ANOS1: variants seen among roughly 807,000 people sequenced by gnomAD.
ANOS1 encodes the protein anosmin 1.
ANOS1 carries 6 observed loss-of-function variants against 59.0 expected under a neutral mutation model. That is an observed-to-expected ratio of 0.10 (90% confidence interval 0.06 to 0.20). The LOEUF (loss-of-function observed/expected upper bound fraction) is 0.20, where lower values mean the gene tolerates loss of function less well. Among genes scored for constraint, ANOS1 ranks in the 10% least tolerant of loss-of-function variants. ANOS1 has a pLI of 1.00. For missense variants in ANOS1, 433 were observed against 542.3 expected (o/e 0.80, Z 2.00); for synonymous variants, 217 against 223.4 (o/e 0.97, Z 0.25).
chrX:8,622,525 C>CA (rs1000760519), intron 3 of ANOS1, among the ~76,000 whole-genome samples: 1 of 111,863 alleles, frequency 8.9e-6, no homozygotes, highest in Non-Finnish European at 1.9e-5. Context: ...TTTCACCCCC[C>CA]AGTTCTGTTC....
At chrX:8,695,371 T>C (rs1238844523) in intron 2 of ANOS1, among the ~76,000 whole-genome samples, 1 of 112,055 alleles carries the variant, frequency 8.9e-6, no homozygotes, top group Non-Finnish European at 1.9e-5. Context: ...TGTTTAGATG[T>C]CAGTTTTGCG....
intron 1 of ANOS1, among the ~76,000 whole-genome samples, chrX:8,705,454 C>T (rs1276180052): frequency 1.8e-5 from 2 of 111,269 alleles, no homozygotes; most frequent in East Asian, 2.8e-4. Context: ...GTTTTGCAGC[C>T]GTTCTGTGCT....
In ANOS1 at chrX:8,532,482, T is replaced by C. The variant is rs1473937856; in HGVS notation, c.*513A>G. ...TATATTTTAGATTACACATTTTCAT[T>C]TAAAAATCACCTAGGATAAAAATGA... On this transcript the variant is annotated 3_prime_UTR_variant, in exon 14 of 14. Transcript: ENST00000262648. 1 of 112,689 alleles carries C rather than the reference T, an allele frequency of 8.9e-6. No individual in the cohort carries two copies. Among genetic ancestry groups the C allele is most frequent in the African/African-American group, 3.2e-5 (1 of 30,821 alleles). 9.3% of individuals were successfully genotyped at this position (112,689 alleles called of 1,213,427 possible). A position where few individuals can be genotyped will look rare whatever the true frequency, so the allele number is the denominator to read the frequency against.
At chrX:8,680,447 G>A (rs1276675470) in intron 2 of ANOS1, among the ~76,000 whole-genome samples, 1 of 111,471 alleles carries the variant, frequency 9.0e-6, no homozygotes, top group Non-Finnish European at 1.9e-5. Context: ...ATATTTCAAT[G>A]ATATTTCTTC....
At chrX:8,731,227 C>T (rs1242043281) in intron 1 of ANOS1, among the ~76,000 whole-genome samples, 1 of 112,375 alleles carries the variant, frequency 8.9e-6, no homozygotes, top group Non-Finnish European at 1.9e-5. Flanking sequence ...CGCACAGCCA[C>T]TCGCACCCCC....
At position 8,699,739 on chromosome X, in the gene ANOS1, C is replaced by T. The variant is rs186630563; in HGVS notation, c.214G>A (p.Gly72Ser). ...SAFFQHFQNN[G>S]SLVWCQNHKQ... ...TGATTCTGGCACCAAACCAGGGAAC[C>T]ATTGTTCTGCAAAAAGAAAAAGGAA... is the stretch of plus-strand genomic sequence containing the variant. Residue 72 changes from glycine to serine, a missense_variant, in exon 2 of 14, where the codon GGT (glycine) becomes AGT (serine). Coordinates refer to ENST00000262648, the MANE Select transcript of ANOS1 (RefSeq NM_000216.4). 153 of 1,189,923 alleles carry T rather than the reference C, an allele frequency of 1.3e-4. No homozygotes were observed. In the African/African-American group the frequency reaches 2.5e-3, roughly 19 times the overall value.
chrX:8,717,058 C>G (rs1482541194), intron 1 of ANOS1, among the ~76,000 whole-genome samples: 2 of 111,432 alleles, frequency 1.8e-5, no homozygotes, highest in Non-Finnish European at 3.8e-5. Context: ...CCAGACAGCC[C>G]CTCCACTCAA....
chrX:8,676,711 A>C (rs977102851), intron 2 of ANOS1, among the ~76,000 whole-genome samples: 1 of 111,873 alleles, frequency 8.9e-6, no homozygotes, highest in Non-Finnish European at 1.9e-5. Flanking sequence ...CAAATAAATC[A>C]CTTCACTTTT....
At chrX:8,582,466 G>C (rs1930442732) in intron 6 of ANOS1, among the ~76,000 whole-genome samples, 1 of 111,292 alleles carries the variant, frequency 9.0e-6, no homozygotes, top group Non-Finnish European at 1.9e-5. Flanking sequence ...AGGGAGGGTA[G>C]TGATGAAGTC....
At chrX:8,672,404 T>A (rs1418668315) in intron 2 of ANOS1, among the ~76,000 whole-genome samples, 1 of 112,110 alleles carries the variant, frequency 8.9e-6, no homozygotes, top group Non-Finnish European at 1.9e-5. Flanking sequence ...TGCATAGAAA[T>A]CCCTAATCTG....
intron 6 of ANOS1, among the ~76,000 whole-genome samples, chrX:8,580,938 A>T (rs1601963248): frequency 8.9e-6 from 1 of 111,967 alleles, no homozygotes; most frequent in African/African-American, 3.2e-5. Flanking sequence ...CTGTTTTTTA[A>T]AAGTAATTTT....
At chrX:8,713,258 T>C (rs1042190360) in intron 1 of ANOS1, among the ~76,000 whole-genome samples, 4 of 110,267 alleles carry the variant, frequency 3.6e-5, no homozygotes, top group Admixed American at 2.0e-4. Context: ...CCCAGAAGAA[T>C]GTCCAAGCTG....
At chrX:8,668,846 C>A (rs1182572618) in intron 2 of ANOS1, among the ~76,000 whole-genome samples, 1 of 111,228 alleles carries the variant, frequency 9.0e-6, no homozygotes, top group East Asian at 2.8e-4. Context: ...GTTCTAGCCA[C>A]AAACACATCG....
chrX:8,659,229 T>TAAA (rs57477012), intron 2 of ANOS1, among the ~76,000 whole-genome samples: 99 of 95,544 alleles, frequency 1.0e-3, no homozygotes, highest in Non-Finnish European at 1.9e-3. Flanking sequence ...TCTGTCTCAA[T>TAAA]AAAAAAAAAA....
chrX:8,673,802 T>C (rs1932293321), intron 2 of ANOS1, among the ~76,000 whole-genome samples: 1 of 111,819 alleles, frequency 8.9e-6, no homozygotes. Context: ...GGTTGAGTTG[T>C]AGTTAACATG....
chrX:8,731,777 C>T (rs1231576087), intron 1 of ANOS1, 53 bp downstream of exon 1: 1 of 1,154,222 alleles, frequency 8.7e-7, no homozygotes, highest in African/African-American at 1.8e-5. Context: ...CCCCGGTGCG[C>T]CCACGCCGCG....
intron 6 of ANOS1, among the ~76,000 whole-genome samples, chrX:8,575,640 A>C (rs190936967): frequency 4.5e-5 from 5 of 112,209 alleles, no homozygotes; most frequent in African/African-American, 3.2e-5. Flanking sequence ...ACAATTTATG[A>C]AAACAACATT....
At chrX:8,576,274 T>C (rs1423829811) in intron 6 of ANOS1, among the ~76,000 whole-genome samples, 4 of 111,296 alleles carry the variant, frequency 3.6e-5, no homozygotes, top group African/African-American at 1.3e-4. Context: ...CTGAAGCATT[T>C]TACTCAGTCC....
At chrX:8,731,066 C>T (rs1234106666) in intron 1 of ANOS1, among the ~76,000 whole-genome samples, 2 of 112,389 alleles carry the variant, frequency 1.8e-5, no homozygotes, top group African/African-American at 6.5e-5. Context: ...AAAGAACCTA[C>T]GTTCGGGGTT....
Sources: allele counts gnomAD v4.1 joint callset (sites outside exome capture counted in the v4.1 genomes callset), GRCh38; gene constraint gnomAD v4.1.1; transcripts MANE v1.5; gene names NCBI Gene and HGNC (gene_info 2026-07-23, HGNC 2026-07-21).